INSL6: variants seen among roughly 807,000 people sequenced by gnomAD.
INSL6 encodes insulin-like peptide INSL6.
In INSL6, 16 loss-of-function variants were observed where a neutral mutation model predicts 9.4. The ratio of observed to expected loss-of-function variants is 1.70; its 90% confidence interval spans 1.15 to 2.59. INSL6 has a LOEUF of 2.59. INSL6 is among the 30% of genes most tolerant of loss of function. INSL6 has a pLI of 0.00. For synonymous variants in INSL6, 154 were observed against 96.9 expected, an observed-to-expected ratio of 1.59 and a Z score of -3.46; for missense variants, 391 against 257.3, an observed-to-expected ratio of 1.52 and a Z score of -3.56.
At chr9:5,105,675 C>T in the INSL6 span, among the ~76,000 whole-genome samples, 1 of 152,138 alleles carries the variant, frequency 6.6e-6, no homozygotes, top group Non-Finnish European at 1.5e-5. Flanking sequence ...TACTACAAGG[C>T]TACCGTAACC....
chr9:5,052,216 A>T, the INSL6 span, among the ~76,000 whole-genome samples: 1 of 152,106 alleles, frequency 6.6e-6, no homozygotes, highest in East Asian at 1.9e-4. Flanking sequence ...CTGTCATCCA[A>T]AGTCTTGGCA....
the INSL6 span, among the ~76,000 whole-genome samples, chr9:5,102,688 G>A: frequency 7.2e-5 from 11 of 152,194 alleles, no homozygotes; most frequent in Admixed American, 2.6e-4. Context: ...GACTAACAGC[G>A]GATCTCTCAG....
chr9:5,061,601 A>C, the INSL6 span, among the ~76,000 whole-genome samples: 1 of 152,238 alleles, frequency 6.6e-6, no homozygotes, highest in East Asian at 1.9e-4. Flanking sequence ...GCTCTAGATT[A>C]GGCTTTGGCT....
At chr9:4,995,313 T>G in the INSL6 span, among the ~76,000 whole-genome samples, 1 of 152,224 alleles carries the variant, frequency 6.6e-6, no homozygotes, top group African/African-American at 2.4e-5. Context: ...GGTTGTCTCT[T>G]TATCTTTTTG....
At chr9:5,085,733 G>T in the INSL6 span, 1 of 753,854 alleles carries the variant, frequency 1.3e-6, no homozygotes, top group South Asian at 1.4e-5. Context: ...CTGCAATTAA[G>T]GCTGTGGCGC....
chr9:5,031,903 A>G, the INSL6 span, among the ~76,000 whole-genome samples: 1 of 152,192 alleles, frequency 6.6e-6, no homozygotes, highest in African/African-American at 2.4e-5. Flanking sequence ...GGAGTGTAGG[A>G]AAGTGAGTGT....
the INSL6 span, among the ~76,000 whole-genome samples, chr9:5,064,025 G>C: frequency 3.3e-4 from 50 of 152,138 alleles, no homozygotes; most frequent in East Asian, 8.0e-3. Flanking sequence ...GCGTCTTGGC[G>C]TGTGCCTGTA....
the INSL6 span, among the ~76,000 whole-genome samples, chr9:5,045,658 G>A: frequency 0.34 from 51,277 of 151,924 alleles, 9,213 homozygotes; most frequent in African/African-American, 0.47. Flanking sequence ...TACAAATGGA[G>A]TTATATAGCA....
the INSL6 span, chr9:5,080,316 G>A: frequency 1.2e-6 from 2 of 1,613,500 alleles, no homozygotes; most frequent in Non-Finnish European, 1.7e-6. Flanking sequence ...TGGAGTTTTG[G>A]TACCACTTTG....
chr9:5,006,290 CTG>C, the INSL6 span, among the ~76,000 whole-genome samples: 1 of 152,086 alleles, frequency 6.6e-6, no homozygotes, highest in Admixed American at 6.5e-5. Context: ...ATTTGGCTCT[CTG>C]TGTGTTATTG....
chr9:5,165,453 T>C (rs1825030546), intron 1 of INSL6, among the ~76,000 whole-genome samples: 1 of 152,212 alleles, frequency 6.6e-6, no homozygotes, highest in Admixed American at 6.5e-5. Flanking sequence ...ATTTTCCATT[T>C]TTTGATTATC....
the INSL6 span, among the ~76,000 whole-genome samples, chr9:5,044,243 T>A: frequency 6.6e-6 from 1 of 152,266 alleles, no homozygotes; most frequent in Non-Finnish European, 1.5e-5. Flanking sequence ...ATTAGTGTTA[T>A]CCACATATCC....
chr9:5,114,617 G>A, the INSL6 span: 1 of 486,164 alleles, frequency 2.1e-6, no homozygotes, highest in South Asian at 1.6e-5. Context: ...ACGAGGTGCA[G>A]CTCCCGGACA....
chr9:5,131,774 A>T (rs997659029), intron 3 of INSL6, among the ~76,000 whole-genome samples: 5 of 152,184 alleles, frequency 3.3e-5, no homozygotes, highest in Non-Finnish European at 7.4e-5. Context: ...ACCAAGGTAT[A>T]TAAGCCGTCA....
At chr9:5,136,426 T>A (rs997112705) in intron 2 of INSL6, among the ~76,000 whole-genome samples, 6 of 152,184 alleles carry the variant, frequency 3.9e-5, no homozygotes, top group Non-Finnish European at 8.8e-5. Context: ...TCCACCATGA[T>A]CAAGTCGGCT....
downstream of INSL6, among the ~76,000 whole-genome samples, chr9:5,162,935 T>C (rs1487836211): frequency 6.6e-6 from 1 of 152,220 alleles, no homozygotes; most frequent in Non-Finnish European, 1.5e-5. Flanking sequence ...TGTTTTGCTC[T>C]AATTTGTAGT....
At chr9:5,013,852 C>T in the INSL6 span, among the ~76,000 whole-genome samples, 10 of 151,884 alleles carry the variant, frequency 6.6e-5, no homozygotes, top group Non-Finnish European at 8.8e-5. Flanking sequence ...GGAGGAACAG[C>T]GGAAATTTAA....
chr9:5,131,670 C>T (rs565348240), intron 3 of INSL6, among the ~76,000 whole-genome samples: 24 of 152,124 alleles, frequency 1.6e-4, no homozygotes, highest in African/African-American at 4.8e-4. Flanking sequence ...GAACTCCTGA[C>T]CTCAGGTGAT....
At chr9:5,012,645 T>G in the INSL6 span, among the ~76,000 whole-genome samples, 8 of 152,290 alleles carry the variant, frequency 5.3e-5, no homozygotes, top group African/African-American at 1.9e-4. Context: ...CATTAATAAA[T>G]TAAATATTTA....
Sources: gnomAD v4.1 joint callset for allele counts (sites outside exome capture counted in the v4.1 genomes callset) on GRCh38, gnomAD v4.1.1 for gene constraint, MANE v1.5 for transcripts, NCBI Gene and HGNC (gene_info 2026-07-23, HGNC 2026-07-21) for gene names.